GPHN: variants seen among roughly 807,000 people sequenced by gnomAD.
The protein encoded by GPHN is gephyrin.
Under a neutral mutation model 95.5 loss-of-function variants are expected in GPHN, and 17 were observed. The ratio of observed to expected loss-of-function variants is 0.18; its 90% CI spans 0.12 to 0.27. The LOEUF (loss-of-function observed/expected upper bound fraction) is 0.27, where lower values mean the gene tolerates loss of function less well. GPHN is among the 10% of genes least tolerant of loss of function. The pLI is 1.00. For synonymous variants in GPHN, 320 were observed against 322.5 expected, an observed-to-expected ratio of 0.99 and a Z score of 0.08; for missense variants, 660 against 978.1, an observed-to-expected ratio of 0.67 and a Z score of 4.34.
At chr14:67,431,124 G>A in the GPHN span, among the ~76,000 whole-genome samples, 3 of 152,176 alleles carry the variant, frequency 2.0e-5, no homozygotes, top group Admixed American at 1.3e-4. Context: ...GCTGGGCGTG[G>A]TGGCTCACGC....
chr14:67,514,324 A>G, the GPHN span, among the ~76,000 whole-genome samples: 1 of 152,130 alleles, frequency 6.6e-6, no homozygotes, highest in Non-Finnish European at 1.5e-5. Flanking sequence ...GAGGGAAAGG[A>G]AGATACCTGG....
At chr14:67,352,850 CA>C in the GPHN span, 638,911 of 715,714 alleles carry the variant, frequency 0.89, 281,508 homozygotes, top group African/African-American at 0.96. Context: ...ATAACAACAA[CA>C]AAAAAAAAAA....
At chr14:66,598,846 A>G (rs1460482481) in intron 1 of GPHN, among the ~76,000 whole-genome samples, 1 of 151,974 alleles carries the variant, frequency 6.6e-6, no homozygotes, top group Admixed American at 6.6e-5. Flanking sequence ...CTCAAAAAAA[A>G]AAAAAAAAAG....
intron 19 of GPHN, among the ~76,000 whole-genome samples, chr14:67,164,270 CAAA>C (rs780524695): frequency 4.3e-5 from 2 of 46,640 alleles, no homozygotes; most frequent in African/African-American, 1.7e-4. Context: ...ACTCCATCTC[CAAA>C]AAAAAAAAAA....
At chr14:66,732,298 C>G (rs530099366) in intron 2 of GPHN, among the ~76,000 whole-genome samples, 2 of 152,276 alleles carry the variant, frequency 1.3e-5, no homozygotes, top group South Asian at 4.1e-4. Flanking sequence ...CCAGCCCATT[C>G]ACCAAAGCTG....
the GPHN span, chr14:67,650,827 T>G: frequency 6.2e-7 from 1 of 1,614,052 alleles, no homozygotes; most frequent in Admixed American, 1.7e-5. Context: ...CAAGCTTTGG[T>G]CAGACAAGAG....
chr14:67,392,651 C>G, the GPHN span: 5 of 1,604,926 alleles, frequency 3.1e-6, no homozygotes, highest in Non-Finnish European at 4.3e-6. Context: ...AGAACCCACT[C>G]CCCAACTTAC....
rs561789158 is a variant in GPHN at position 66,991,474 on chromosome 14, G to C, written c.963+26149G>C. Among the ~76,000 whole-genome samples the C allele has an allele frequency of 5.3e-5, 8 of 152,144 alleles. No individual in the cohort carries two copies. In the South Asian group the frequency reaches 1.7e-3, roughly 32 times the overall value. On this transcript the variant is annotated intron_variant, in intron 9 of 22. Coordinates refer to ENST00000478722, the MANE Select transcript of GPHN (RefSeq NM_020806.5). ...CAATGTTGAGAATTGAAAAACACAG[G>C]ATAAGGCAGGGGACGGTGGCTCATG...
At chr14:66,590,062 G>A (rs918510918) in intron 1 of GPHN, among the ~76,000 whole-genome samples, 4 of 152,172 alleles carry the variant, frequency 2.6e-5, no homozygotes, top group African/African-American at 9.7e-5. Flanking sequence ...TGAGCAACCT[G>A]CTCCTGAATG....
At chr14:66,688,981 T>C (rs950959880) in intron 2 of GPHN, among the ~76,000 whole-genome samples, 3 of 152,066 alleles carry the variant, frequency 2.0e-5, no homozygotes, top group South Asian at 2.1e-4. Context: ...AGTTGATGGG[T>C]GCAGCAAACC....
At chr14:66,584,184 G>A (rs1253979077) in intron 1 of GPHN, among the ~76,000 whole-genome samples, 3 of 152,052 alleles carry the variant, frequency 2.0e-5, no homozygotes, top group South Asian at 2.1e-4. Flanking sequence ...TTGGCTCTCT[G>A]TTTGTCTGTT....
intron 18 of GPHN, among the ~76,000 whole-genome samples, chr14:67,156,099 G>A (rs7148425): frequency 0.33 from 49,741 of 151,988 alleles, 13,018 homozygotes; most frequent in African/African-American, 0.71. Flanking sequence ...TTTTTAAGGT[G>A]GAAGGATTAT....
chr14:67,704,179 C>G, the GPHN span, among the ~76,000 whole-genome samples: 4 of 151,974 alleles, frequency 2.6e-5, no homozygotes, highest in African/African-American at 9.7e-5. Context: ...TCTAAAAAAT[C>G]TGTGCCTAAG....
intron 1 of GPHN, among the ~76,000 whole-genome samples, chr14:66,584,359 C>G (rs896102744): frequency 3.9e-5 from 6 of 152,100 alleles, no homozygotes; most frequent in African/African-American, 1.4e-4. Flanking sequence ...TTCCTCTTTT[C>G]CTAATTGAAT....
Position 66,699,791 on chromosome 14 carries a change from A to T in GPHN, c.143+18606A>T, listed in dbSNP as rs114799324. ...AGTGAAAGAAACATCTATGCCAGAC[A>T]GAAGTAAACTATGGCTGTGTTTGCC... On this transcript the variant is annotated intron_variant, in intron 2 of 22. Transcript: ENST00000478722. 3.0e-3 allele frequency among the ~76,000 whole-genome samples: 450 copies of T among 152,348 alleles called. 1 individual carries two copies. Among genetic ancestry groups the T allele is most frequent in the African/African-American group, 0.01 (423 of 41,594 alleles).
chr14:67,029,073 T>C (rs1186297495), intron 10 of GPHN, among the ~76,000 whole-genome samples: 1 of 152,216 alleles, frequency 6.6e-6, no homozygotes, highest in South Asian at 2.1e-4. Flanking sequence ...ATTTCATTTT[T>C]CTGCATATGG....
chr14:67,085,790 A>G (rs756336136), intron 11 of GPHN, among the ~76,000 whole-genome samples: 2 of 152,216 alleles, frequency 1.3e-5, no homozygotes, highest in Non-Finnish European at 2.9e-5. Flanking sequence ...TTCTGTAACC[A>G]TCACCACCAG....
At chr14:67,640,867 TA>T in the GPHN span, among the ~76,000 whole-genome samples, 3 of 152,210 alleles carry the variant, frequency 2.0e-5, no homozygotes, top group African/African-American at 7.2e-5. Context: ...AACTGCATAG[TA>T]AAGGATAGAG....
chr14:67,389,465 T>G, the GPHN span, among the ~76,000 whole-genome samples: 1 of 152,210 alleles, frequency 6.6e-6, no homozygotes, highest in Non-Finnish European at 1.5e-5. Flanking sequence ...TTCCTTATCT[T>G]GTACCTGCAG....
Sources: allele counts gnomAD v4.1 joint callset (sites outside exome capture counted in the v4.1 genomes callset), GRCh38; gene constraint gnomAD v4.1.1; transcripts MANE v1.5; gene names NCBI Gene and HGNC (gene_info 2026-07-23, HGNC 2026-07-21).